The following KIAA0040 variants were observed in gnomAD, a reference collection of about 807,000 sequenced individuals.
The protein encoded by KIAA0040 is uncharacterized protein KIAA0040.
KIAA0040 carries 10 observed loss-of-function variants against 7.2 expected under a neutral mutation model. That is an observed-to-expected ratio of 1.38 (90% CI 0.85 to 2.34). KIAA0040 has a LOEUF of 2.34. KIAA0040 is among the 30% of genes most tolerant of loss of function. KIAA0040 has a pLI of 0.00. For missense variants in KIAA0040, 89 were observed against 108.2 expected, an observed-to-expected ratio of 0.82 and a Z score of 0.79; for synonymous variants, 49 against 40.1, an observed-to-expected ratio of 1.22 and a Z score of -0.84.
chr1:175,178,970 C>G (rs113928053), intron 1 of KIAA0040, among the ~76,000 whole-genome samples: 504 of 124,988 alleles, frequency 4.0e-3, no homozygotes, highest in Non-Finnish European at 4.5e-3. Flanking sequence ...GGGGACGGGG[C>G]GGGGGGGGGG....
At chr1:175,175,183 G>A (rs58827049) in intron 2 of KIAA0040, among the ~76,000 whole-genome samples, 20,262 of 152,118 alleles carry the variant, frequency 0.13, 1,443 homozygotes, top group East Asian at 0.25. Flanking sequence ...AAAAGCATGA[G>A]AACGACCAAA....
intron 2 of KIAA0040, among the ~76,000 whole-genome samples, chr1:175,169,159 C>T (rs1382939747): frequency 6.6e-6 from 1 of 152,206 alleles, no homozygotes; most frequent in Non-Finnish European, 1.5e-5. Context: ...GACAAAAAAG[C>T]TAATGTTGGT....
At chr1:175,168,378 G>A (rs867426894) in intron 2 of KIAA0040, among the ~76,000 whole-genome samples, 1 of 151,852 alleles carries the variant, frequency 6.6e-6, no homozygotes, top group Non-Finnish European at 1.5e-5. Flanking sequence ...ATACAAAGTC[G>A]GAAGCTCTCT....
At chr1:175,179,550 G>C (rs1677353432) in intron 1 of KIAA0040, among the ~76,000 whole-genome samples, 3 of 152,072 alleles carry the variant, frequency 2.0e-5, no homozygotes, top group Admixed American at 2.0e-4. Flanking sequence ...AGAAAGAAAT[G>C]GCTATTTATC....
In KIAA0040 at chr1:175,158,308, G is replaced by C. The variant is rs1018082134; in HGVS notation, c.*2406C>G. 1.3e-5 allele frequency: 2 copies of C among 152,228 alleles called. No individual in the cohort carries two copies. Among genetic ancestry groups the C allele is most frequent in the Non-Finnish European group, 2.9e-5 (2 of 68,046 alleles). The allele number at this position is 152,228 out of a possible 1,614,324, so 9.4% of individuals were successfully genotyped here. On this transcript the variant is annotated 3_prime_UTR_variant, in exon 4 of 4. Coordinates refer to ENST00000423313, the MANE Select transcript of KIAA0040 (RefSeq NM_014656.3). ...TGTTTCATCCCTGGGGTGAGAGCAA[G>C]TCCATTGGATTAGGAGACAGCAGGG...
rs1408617170 is a variant in KIAA0040, at chr1:175,157,195, A to C, written c.*3519T>G. 6.6e-6 allele frequency: 1 copy of C among 152,176 alleles called. No individual in the cohort carries two copies. Among genetic ancestry groups the C allele is most frequent in the East Asian group, 1.9e-4 (1 of 5,192 alleles). 9.4% of individuals were successfully genotyped at this position (152,176 alleles called of 1,614,324 possible). On this transcript the variant is annotated 3_prime_UTR_variant, in exon 4 of 4. Transcript: ENST00000423313. ...TTAACTCAAAGGTCCATTCTTCCTT[A>C]GGTTTTTGCTATTTCCCCCCTTTTC...
rs762704627 is a variant in KIAA0040 at position 175,158,322 on chromosome 1, G to A, written c.*2392C>T. ...GGTGAGAGCAAGTCCATTGGATTAG[G>A]AGACAGCAGGGACATTGTGCCTGGA... On this transcript the variant is annotated 3_prime_UTR_variant, in exon 4 of 4. Coordinates refer to ENST00000423313, the MANE Select transcript of KIAA0040 (RefSeq NM_014656.3). 6.6e-6 allele frequency: 1 copy of A among 152,206 alleles called. No homozygotes were observed. The highest frequency in any genetic ancestry group is 1.5e-5 in the Non-Finnish European group (1 of 68,036). The allele number at this position is 152,206 out of a possible 1,614,324, so 9.4% of individuals were successfully genotyped here. A position where few individuals can be genotyped will look rare whatever the true frequency, so the allele number is the denominator to read the frequency against.
intron 1 of KIAA0040, among the ~76,000 whole-genome samples, chr1:175,186,115 G>T (rs1375059725): frequency 6.6e-6 from 1 of 152,008 alleles, no homozygotes; most frequent in Non-Finnish European, 1.5e-5. Flanking sequence ...TAGATGGAGG[G>T]GTGATTGCAC....
Position 175,158,181 on chromosome 1 carries a change from G to A in KIAA0040, c.*2533C>T, listed in dbSNP as rs909632665. On this transcript the variant is annotated 3_prime_UTR_variant, in exon 4 of 4. Transcript: ENST00000423313. Reference sequence around the variant, plus strand: ...GGACTCCTCTAGTTACGCCAGGAAAGGTTGTCAGGGGAGTCTGTGATGGGG... The same window carrying A: ...GGACTCCTCTAGTTACGCCAGGAAAAGTTGTCAGGGGAGTCTGTGATGGGG... The A allele has an allele frequency of 6.6e-6, 1 of 152,314 alleles. No individual in the cohort carries two copies. The allele number at this position is 152,314 out of a possible 1,614,324, so 9.4% of individuals were successfully genotyped here.
At chr1:175,187,172 A>G (rs999983413) in intron 1 of KIAA0040, among the ~76,000 whole-genome samples, 1 of 152,234 alleles carries the variant, frequency 6.6e-6, no homozygotes, top group Non-Finnish European at 1.5e-5. Context: ...AAGAAACTAC[A>G]TATGTTTCTG....
chr1:175,172,206 T>C (rs527589629), intron 2 of KIAA0040, among the ~76,000 whole-genome samples: 22 of 152,326 alleles, frequency 1.4e-4, no homozygotes, highest in African/African-American at 5.1e-4. Flanking sequence ...GGATTAATCA[T>C]GAGAAATTAT....
intron 2 of KIAA0040, among the ~76,000 whole-genome samples, chr1:175,170,207 C>T (rs1036197105): frequency 6.6e-6 from 1 of 152,134 alleles, no homozygotes; most frequent in Non-Finnish European, 1.5e-5. Flanking sequence ...TGAGAGAGGG[C>T]AGCCAAGTGT....
intron 1 of KIAA0040, among the ~76,000 whole-genome samples, chr1:175,184,868 T>C (rs1388064519): frequency 2.0e-5 from 3 of 152,192 alleles, no homozygotes; most frequent in African/African-American, 7.2e-5. Context: ...AACACTGTGT[T>C]ATAACTGCCT....
At position 175,177,962 on chromosome 1, in the gene KIAA0040, C is replaced by T. The variant is rs1010774103; in HGVS notation, c.-383-278G>A. Among the ~76,000 whole-genome samples the T allele has an allele frequency of 2.0e-5, 3 of 152,166 alleles. No homozygotes were observed. In the East Asian group the frequency reaches 5.8e-4, roughly 29 times the overall value. On this transcript the variant is annotated intron_variant, in intron 1 of 3. Transcript: ENST00000423313. Reference sequence around the variant, plus strand: ...TAATTGGTATTATTCCCAGCAGTTGCAGGGATGTGGCAAAAAACAAAAGTC... The same window carrying T: ...TAATTGGTATTATTCCCAGCAGTTGTAGGGATGTGGCAAAAAACAAAAGTC...
chr1:175,175,138 G>A (rs1473337048), intron 2 of KIAA0040, among the ~76,000 whole-genome samples: 1 of 152,168 alleles, frequency 6.6e-6, no homozygotes, highest in African/African-American at 2.4e-5. Flanking sequence ...GTGTTCAAAT[G>A]TCATATCCTC....
chr1:175,179,380 GGATTAAGCT>G (rs1224058390), intron 1 of KIAA0040, among the ~76,000 whole-genome samples: 1 of 152,100 alleles, frequency 6.6e-6, no homozygotes, highest in African/African-American at 2.4e-5. Context: ...GGATTACGCA[GGATTAAGCT>G]CCCACCCATG....
chr1:175,160,637 A>G lies in KIAA0040; in HGVS notation c.*77T>C, dbSNP rs1425853619. The G allele has an allele frequency of 1.5e-6, 2 of 1,320,118 alleles. No homozygotes were observed. Among genetic ancestry groups the G allele is most frequent in the East Asian group, 2.5e-5 (1 of 39,660 alleles). 81.8% of individuals were successfully genotyped at this position (1,320,118 alleles called of 1,614,324 possible). A position where few individuals can be genotyped will look rare whatever the true frequency, so the allele number is the denominator to read the frequency against. On this transcript the variant is annotated 3_prime_UTR_variant, in exon 4 of 4. Transcript: ENST00000423313. ...GGACATGGACATAGTGCATTATTTCAGGGGTTCCTGAAATGTCTGTGTGTG... is the reference window on the plus strand; with the variant it reads ...GGACATGGACATAGTGCATTATTTCGGGGGTTCCTGAAATGTCTGTGTGTG...
intron 2 of KIAA0040, among the ~76,000 whole-genome samples, chr1:175,167,475 G>A (rs777802393): frequency 6.6e-6 from 1 of 152,220 alleles, no homozygotes; most frequent in African/African-American, 2.4e-5. Context: ...CAGCAGTGGT[G>A]GGGTGAGGGT....
intron 3 of KIAA0040, among the ~76,000 whole-genome samples, chr1:175,161,957 C>T (rs911685516): frequency 6.6e-6 from 1 of 152,186 alleles, no homozygotes; most frequent in Non-Finnish European, 1.5e-5. Flanking sequence ...GGAGAGGAGT[C>T]CTTGCAGGCT....
Sources: gnomAD v4.1 joint callset for allele counts (sites outside exome capture counted in the v4.1 genomes callset) on GRCh38, gnomAD v4.1.1 for gene constraint, MANE v1.5 for transcripts, NCBI Gene and HGNC (gene_info 2026-07-23, HGNC 2026-07-21) for gene names.